Variants in RAI14 observed in about 807,000 individuals in gnomAD.
RAI14 encodes retinoic acid induced 14, also known as ankycorbin.
A neutral mutation model predicts 115.4 loss-of-function variants in RAI14; 45 were observed. The ratio of observed to expected loss-of-function variants is 0.39; its 90% CI spans 0.31 to 0.50. RAI14 has a LOEUF of 0.50. RAI14 is among the 20% of genes least tolerant of loss of function. The pLI is 0.85. For synonymous variants in RAI14, 371 were observed against 415.4 expected, an observed-to-expected ratio of 0.89 and a Z score of 1.30; for missense variants, 939 against 1,131.2, an observed-to-expected ratio of 0.83 and a Z score of 2.44.
intron 2 of RAI14, among the ~76,000 whole-genome samples, chr5:34,690,455 A>G (rs527690457): frequency 6.6e-6 from 1 of 152,322 alleles, no homozygotes; most frequent in East Asian, 1.9e-4. Context: ...CTGTGGCCAA[A>G]TTGGTTTGTG....
intron 3 of RAI14, among the ~76,000 whole-genome samples, chr5:34,794,364 A>G (rs1360189857): frequency 6.6e-6 from 1 of 152,212 alleles, no homozygotes; most frequent in Non-Finnish European, 1.5e-5. Context: ...CGGAGGTTGC[A>G]GTGAGCCAAG....
rs751849361 is a variant in RAI14 at position 34,795,929 on chromosome 5, C to G, written c.168-10C>G. On this transcript the variant is annotated splice_polypyrimidine_tract_variant and intron_variant, in intron 3 of 17. Transcript: ENST00000265109. ...AATCTCAAGGAGATTGTGTTTACTT[C>G]TCTTTCCAGTTTCCATCTTGCTGCT... is the stretch of plus-strand genomic sequence containing the variant. 4.4e-6 allele frequency: 7 copies of G among 1,607,964 alleles called. No homozygotes were observed. The highest frequency in any genetic ancestry group is 6.0e-6 in the Non-Finnish European group (7 of 1,174,602).
intron 1 of RAI14, among the ~76,000 whole-genome samples, chr5:34,669,033 T>A (rs1482111167): frequency 6.6e-6 from 1 of 152,204 alleles, no homozygotes; most frequent in Non-Finnish European, 1.5e-5. Flanking sequence ...ATTTTTGTAT[T>A]TTCAGTAGAG....
At chr5:34,679,976 T>C (rs1744270235) in intron 1 of RAI14, among the ~76,000 whole-genome samples, 1 of 152,194 alleles carries the variant, frequency 6.6e-6, no homozygotes, top group Non-Finnish European at 1.5e-5. Context: ...TATATCTTTG[T>C]TCTGCGTGTT....
intron 13 of RAI14, among the ~76,000 whole-genome samples, 180 bp from the exon 14 acceptor site, chr5:34,821,552 G>A (rs577150540): frequency 6.6e-6 from 1 of 152,132 alleles, no homozygotes; most frequent in East Asian, 1.9e-4. Context: ...CCACAGTAAG[G>A]AAACCCCAGT....
intron 1 of RAI14, among the ~76,000 whole-genome samples, chr5:34,676,259 G>A (rs1184484563): frequency 6.6e-6 from 1 of 152,162 alleles, no homozygotes; most frequent in African/African-American, 2.4e-5. Flanking sequence ...CGGTCACTTG[G>A]GGTCAGTTGC....
rs34710502 is a variant in RAI14, at chr5:34,778,762, G to GA, written c.168-17166dup. Reference sequence around the variant, plus strand: ...GTGATTTTTTTTTTTTTAAAGAAAGGAAAAAAAAAAACTATCTTAATGGTA... The same window carrying GA: ...GTGATTTTTTTTTTTTTAAAGAAAGGAAAAAAAAAAAACTATCTTAATGGTA... On this transcript the variant is annotated intron_variant, in intron 3 of 17. Transcript: ENST00000265109. 6.1e-3 allele frequency among the ~76,000 whole-genome samples: 872 copies of GA among 143,156 alleles called. 5 individuals are homozygous for GA. Among genetic ancestry groups the GA allele is most frequent in the East Asian group, 0.05 (244 of 4,914 alleles). The allele number at this position is 143,156 out of a possible 152,430, so 93.9% of individuals were successfully genotyped here.
At chr5:34,800,720 AC>A in intron 4 of RAI14, among the ~76,000 whole-genome samples, 1 of 152,364 alleles carries the variant, frequency 6.6e-6, no homozygotes, top group African/African-American at 2.4e-5. Context: ...TCCAGGTATG[AC>A]TAGAACACTT....
At chr5:34,676,883 A>G (rs777980108) in intron 1 of RAI14, among the ~76,000 whole-genome samples, 1 of 152,224 alleles carries the variant, frequency 6.6e-6, no homozygotes, top group African/African-American at 2.4e-5. Context: ...CTGAGATTTT[A>G]AAGTATTTTA....
chr5:34,681,588 A>G (rs1057004617), intron 1 of RAI14, among the ~76,000 whole-genome samples: 2 of 152,028 alleles, frequency 1.3e-5, no homozygotes, highest in Admixed American at 1.3e-4. Flanking sequence ...TTGAACTCCC[A>G]GGCTCAAGTG....
chr5:34,825,060 G>C (rs1449509007), intron 15 of RAI14, among the ~76,000 whole-genome samples: 3 of 152,058 alleles, frequency 2.0e-5, no homozygotes, highest in Non-Finnish European at 2.9e-5. Context: ...AGGCCATGAT[G>C]GGAGGATGGC....
intron 2 of RAI14, among the ~76,000 whole-genome samples, chr5:34,701,891 A>T (rs1391212124): frequency 6.6e-6 from 1 of 150,944 alleles, no homozygotes. Flanking sequence ...GGCTCACTGC[A>T]GTCTCCACCT....
chr5:34,796,163 G>C, intron 4 of RAI14, 136 bp downstream of exon 4: 1 of 649,896 alleles, frequency 1.5e-6, no homozygotes, highest in Non-Finnish European at 2.7e-6. Flanking sequence ...GCGAGGGTGA[G>C]GTGTGTGGAT....
intron 16 of RAI14, among the ~76,000 whole-genome samples, chr5:34,828,048 C>T (rs1468886330): frequency 6.6e-6 from 1 of 152,178 alleles, no homozygotes; most frequent in Admixed American, 6.5e-5. Flanking sequence ...TTTTGGGAAC[C>T]TTGGTGAGAA....
chr5:34,660,553 G>A (rs918326683), intron 1 of RAI14, among the ~76,000 whole-genome samples: 2 of 152,178 alleles, frequency 1.3e-5, no homozygotes, highest in Non-Finnish European at 2.9e-5. Context: ...CTCACTGGCC[G>A]TGTGACCTTG....
intron 2 of RAI14, among the ~76,000 whole-genome samples, chr5:34,740,556 C>G (rs1745381926): frequency 6.6e-6 from 1 of 152,186 alleles, no homozygotes; most frequent in Admixed American, 6.5e-5. Flanking sequence ...TGGTTTGGCT[C>G]CTCTGTTGCT....
intron 3 of RAI14, among the ~76,000 whole-genome samples, chr5:34,771,727 T>G (rs760687836): frequency 7.2e-5 from 11 of 152,192 alleles, no homozygotes; most frequent in Non-Finnish European, 1.3e-4. Flanking sequence ...CAGGCTCTGT[T>G]TGCTTCTGTG....
chr5:34,680,944 G>A (rs549257503), intron 1 of RAI14, among the ~76,000 whole-genome samples: 1 of 152,322 alleles, frequency 6.6e-6, no homozygotes, highest in East Asian at 1.9e-4. Flanking sequence ...TTCTAGAACA[G>A]TACAAATCTG....
intron 7 of RAI14, among the ~76,000 whole-genome samples, chr5:34,810,253 CAA>C (rs1178164031): frequency 6.6e-6 from 1 of 151,944 alleles, no homozygotes; most frequent in East Asian, 1.9e-4. Flanking sequence ...AGAAAAAAAA[CAA>C]AATAACAACT....
Sources: allele counts gnomAD v4.1 joint callset (sites outside exome capture counted in the v4.1 genomes callset), GRCh38; gene constraint gnomAD v4.1.1; transcripts MANE v1.5; gene names NCBI Gene and HGNC (gene_info 2026-07-23, HGNC 2026-07-21).